DNAI2: variants seen among roughly 807,000 people sequenced by gnomAD.
The protein encoded by DNAI2 is dynein, axonemal, intermediate polypeptide 2.
A neutral mutation model predicts 74.7 loss-of-function variants in DNAI2; 63 were observed. The observed-to-expected ratio is 0.84, with a 90% CI of 0.69 to 1.04. The LOEUF is 1.04. DNAI2 is among the 50% of genes least tolerant of loss of function. The pLI is 0.00. For missense variants in DNAI2, 688 were observed against 803.2 expected, an observed-to-expected ratio of 0.86 and a Z score of 1.73; for synonymous variants, 289 against 314.9, an observed-to-expected ratio of 0.92 and a Z score of 0.87.
intron 3 of DNAI2, 143 bp downstream of exon 3, chr17:74,285,344 G>A: frequency 9.1e-7 from 1 of 1,095,134 alleles, no homozygotes; most frequent in Non-Finnish European, 1.3e-6. Context: ...CTACCTCAAG[G>A]AGCCTTCTGT....
At chr17:74,301,627 A>G (rs2052769995) in intron 8 of DNAI2, among the ~76,000 whole-genome samples, 1 of 151,298 alleles carries the variant, frequency 6.6e-6, no homozygotes, top group African/African-American at 2.4e-5. Context: ...CTCCTTGGAA[A>G]ACCAGAGCAC....
At chr17:74,296,132 G>A (rs144513269) in intron 6 of DNAI2, among the ~76,000 whole-genome samples, 12 of 152,256 alleles carry the variant, frequency 7.9e-5, no homozygotes, top group African/African-American at 2.9e-4. Flanking sequence ...AAGCCCTGTG[G>A]ACACATCATG....
chr17:74,305,394 C>T lies in DNAI2; in HGVS notation c.1163C>T (p.Ala388Val). 6.2e-7 allele frequency: 1 copy of T among 1,614,184 alleles called. No homozygotes were observed. Among genetic ancestry groups the T allele is most frequent in the Non-Finnish European group, 8.5e-7 (1 of 1,180,044 alleles). Residue 388 changes from alanine (A) to valine (V), a missense_variant, in exon 9 of 14, where the codon GCC becomes GTC. By Grantham distance (64) the Ala-to-Val change is moderately conservative (BLOSUM62 0). Coordinates refer to ENST00000311014, the MANE Select transcript of DNAI2 (RefSeq NM_023036.6). ...TTCCTGACGGTTGGCGACTGGACAGCCCGCATTTGGTCTGAAGACAGCCGG... is the reference window on the plus strand; with the variant it reads ...TTCCTGACGGTTGGCGACTGGACAGTCCGCATTTGGTCTGAAGACAGCCGG... ...KNFLTVGDWT[A>V]RIWSEDSRES... is the part of the protein sequence containing the mutation.
In DNAI2 at chr17:74,309,893, C is replaced by T; in HGVS notation, c.1348-124C>T. The T allele has an allele frequency of 1.5e-5, 20 of 1,292,070 alleles. 1 individual carries two copies. In the South Asian group the frequency reaches 2.4e-4, roughly 16 times the overall value. The allele number at this position is 1,292,070 out of a possible 1,614,324, so 80.0% of individuals were successfully genotyped here. A position where few individuals can be genotyped will look rare whatever the true frequency, so the allele number is the denominator to read the frequency against. ...CCGAGTTTGAACTTCATCCTGTGGG[C>T]AGAGGCGTCCTGAGGATGTTTGAAT... On this transcript the variant is annotated intron_variant, in intron 10 of 13. Transcript: ENST00000311014.
chr17:74,311,951 C>T, intron 11 of DNAI2, 52 bp from the exon 12 acceptor site: 1 of 1,583,484 alleles, frequency 6.3e-7, no homozygotes, highest in South Asian at 1.1e-5. Flanking sequence ...ACTGGAGTCG[C>T]TTGCCATCCT....
intron 9 of DNAI2, chr17:74,307,195 A>G (rs907759533): frequency 1.1e-5 from 5 of 455,026 alleles, no homozygotes; most frequent in African/African-American, 8.0e-5. Context: ...AGCCTTCCCA[A>G]TGTCTTCAGG....
At chr17:74,291,763 G>A (rs965787145) in intron 6 of DNAI2, among the ~76,000 whole-genome samples, 1 of 152,218 alleles carries the variant, frequency 6.6e-6, no homozygotes, top group African/African-American at 2.4e-5. Flanking sequence ...TATTTTGGGA[G>A]AGGTTTCTGG....
rs763011642 is a variant in DNAI2, at chr17:74,309,396, G to T, written c.1347+8G>T. ...CCCACCCTCAGCTTGAAGGTCACGC[G>T]CATGTCCCTCCTTGTGCATCCAGGT... On this transcript the variant is annotated splice_region_variant and intron_variant, in intron 10 of 13. Coordinates refer to ENST00000311014, the MANE Select transcript of DNAI2 (RefSeq NM_023036.6). 6.2e-7 allele frequency: 1 copy of T among 1,614,122 alleles called. No individual in the cohort carries two copies. Among genetic ancestry groups the T allele is most frequent in the Admixed American group, 1.7e-5 (1 of 60,022 alleles).
intron 6 of DNAI2, among the ~76,000 whole-genome samples, chr17:74,296,703 CCA>C (rs1217626452): frequency 6.6e-6 from 1 of 152,168 alleles, no homozygotes; most frequent in Non-Finnish European, 1.5e-5. Flanking sequence ...TATCAGGGAA[CCA>C]CCAGACCGGT....
At chr17:74,286,027 G>A (rs2051709542) in intron 3 of DNAI2, among the ~76,000 whole-genome samples, 1 of 151,776 alleles carries the variant, frequency 6.6e-6, no homozygotes, top group Admixed American at 6.6e-5. Context: ...TGGGCTTGGT[G>A]GCTCACACCT....
chr17:74,290,040 G>A (rs1259384908), intron 5 of DNAI2, among the ~76,000 whole-genome samples: 5 of 152,322 alleles, frequency 3.3e-5, no homozygotes, highest in East Asian at 1.9e-4. Context: ...ATCAGGCCGG[G>A]CTCGGTGGCC....
At chr17:74,279,084 G>A (rs545494551) in intron 1 of DNAI2, among the ~76,000 whole-genome samples, 2 of 151,850 alleles carry the variant, frequency 1.3e-5, no homozygotes, top group South Asian at 2.1e-4. Context: ...GAAGAATGGC[G>A]TGAACCCGGG....
intron 6 of DNAI2, among the ~76,000 whole-genome samples, 156 bp downstream of exon 6, chr17:74,291,289 TCG>T (rs2052082589): frequency 6.6e-6 from 1 of 151,978 alleles, no homozygotes. Context: ...GCCTCCCGAG[TCG>T]CTGAGATTAC....
Position 74,305,303 on chromosome 17 carries a change from T to C in DNAI2, c.1072T>C (p.Cys358Arg). 6.2e-7 allele frequency: 1 copy of C among 1,614,208 alleles called. No individual in the cohort carries two copies. The highest frequency in any genetic ancestry group is 8.5e-7 in the Non-Finnish European group (1 of 1,180,036). The change falls in exon 9 of 14, where the codon TGC (cysteine) becomes CGC (arginine). Residue 358 changes from cysteine to arginine, a missense_variant. Cys to Arg is a radical substitution (Grantham distance 180). Coordinates refer to ENST00000311014, the MANE Select transcript of DNAI2 (RefSeq NM_023036.6). ...KAKTSAEKIV[C>R]TFPGHHGPIY... ...CAAGACGTCAGCTGAAAAGATTGTGTGCACCTTCCCGGGCCATCATGGCCC... is the reference window on the plus strand; with the variant it reads ...CAAGACGTCAGCTGAAAAGATTGTGCGCACCTTCCCGGGCCATCATGGCCC...
chr17:74,309,847 A>G (rs2053411454), intron 10 of DNAI2, 170 bp from the exon 11 acceptor site: 12 of 837,344 alleles, frequency 1.4e-5, no homozygotes, highest in Non-Finnish European at 2.3e-5. Flanking sequence ...CAGGGAAGCC[A>G]GGAGCCTTGA....
At chr17:74,298,358 G>A (rs775634372) in intron 6 of DNAI2, among the ~76,000 whole-genome samples, 3 of 152,156 alleles carry the variant, frequency 2.0e-5, no homozygotes, top group Non-Finnish European at 2.9e-5. Flanking sequence ...AGGCTGGAGT[G>A]CAATGGCATG....
chr17:74,309,966 A>G (rs763354596), intron 10 of DNAI2, 51 bp from the exon 11 acceptor site: 7 of 1,532,754 alleles, frequency 4.6e-6, no homozygotes, highest in Non-Finnish European at 5.3e-6. Flanking sequence ...TCAGACACAC[A>G]TAACTTTGCT....
rs9905633 is a variant in DNAI2, at chr17:74,291,291, G to A, written c.724+158G>A. Among the ~76,000 whole-genome samples, 46,726 of 151,888 alleles carry A rather than the reference G, an allele frequency of 0.31. 8,116 individuals carry two copies. The highest frequency in any genetic ancestry group is 0.41 in the Non-Finnish European group (27,717 of 67,936). On this transcript the variant is annotated intron_variant, in intron 6 of 13. Coordinates refer to ENST00000311014, the MANE Select transcript of DNAI2 (RefSeq NM_023036.6). The stretch of plus-strand genomic sequence containing the variant: ...TTCTCCTGCCTCAGCCTCCCGAGTC[G>A]CTGAGATTACAGGCACCCACCACCA...
At chr17:74,280,099 A>G (rs2051310011) in intron 1 of DNAI2, among the ~76,000 whole-genome samples, 1 of 152,218 alleles carries the variant, frequency 6.6e-6, no homozygotes, top group African/African-American at 2.4e-5. Context: ...CAAAGCGCCA[A>G]CCACTGAACT....
Sources: allele counts gnomAD v4.1 joint callset (sites outside exome capture counted in the v4.1 genomes callset), GRCh38; gene constraint gnomAD v4.1.1; transcripts MANE v1.5; gene names NCBI Gene and HGNC (gene_info 2026-07-23, HGNC 2026-07-21).